The following LDLRAD3 variants were observed in gnomAD, a reference collection of about 807,000 sequenced individuals.
LDLRAD3 encodes the protein low density lipoprotein receptor class A domain containing 3, also known as low-density lipoprotein receptor class A domain-containing protein 3.
Under a neutral mutation model 29.4 loss-of-function variants are expected in LDLRAD3, and 20 were observed. The observed-to-expected ratio is 0.68, with a 90% CI of 0.48 to 0.99. LDLRAD3 has a LOEUF of 0.99. Among genes scored for constraint, LDLRAD3 ranks in the 50% least tolerant of loss-of-function variants. The pLI, the probability that LDLRAD3 is intolerant of heterozygous loss-of-function variation, is 0.00. For synonymous variants in LDLRAD3, 157 were observed against 192.7 expected, an observed-to-expected ratio of 0.81 and a Z score of 1.53; for missense variants, 420 against 454.3, an observed-to-expected ratio of 0.92 and a Z score of 0.69.
chr11:36,079,924 T>G (rs1028099764), intron 2 of LDLRAD3, among the ~76,000 whole-genome samples: 5 of 151,954 alleles, frequency 3.3e-5, no homozygotes, highest in South Asian at 2.1e-4. Flanking sequence ...AAAAATAGAG[T>G]TGGAATTTGA....
chr11:36,110,420 C>T (rs534323575), intron 4 of LDLRAD3, among the ~76,000 whole-genome samples: 14 of 152,298 alleles, frequency 9.2e-5, no homozygotes, highest in African/African-American at 3.4e-4. Flanking sequence ...GTGATTCCTC[C>T]TGAGGTGGAA....
intron 4 of LDLRAD3, among the ~76,000 whole-genome samples, chr11:36,128,560 C>T (rs928737072): frequency 6.6e-6 from 1 of 152,128 alleles, no homozygotes; most frequent in African/African-American, 2.4e-5. Flanking sequence ...TCAGAAAAAC[C>T]ACTCTAGGCT....
intron 4 of LDLRAD3, among the ~76,000 whole-genome samples, chr11:36,104,584 A>G (rs1484306920): frequency 6.6e-6 from 1 of 152,126 alleles, no homozygotes; most frequent in Non-Finnish European, 1.5e-5. Flanking sequence ...AAGAATAGCA[A>G]ACATTTGGAG....
In LDLRAD3 at chr11:36,098,329, G is replaced by A. The variant is rs764661438; in HGVS notation, c.322G>A (p.Ala108Thr). 2 of 1,613,914 alleles carry A rather than the reference G, an allele frequency of 1.2e-6. No individual in the cohort carries two copies. The highest frequency in any genetic ancestry group is 1.7e-6 in the Non-Finnish European group (2 of 1,180,032). The part of the protein sequence containing the change: ...PDGSDEENCT[A>T]NPLLCSTARY... ...TGTGCTGTGTTTTCCCTCTGCAGCA[G>A]CAAACCCTCTGCTTTGCTCCACCGC... Residue 108 changes from alanine to threonine, a missense_variant and splice_region_variant, in exon 4 of 6, where the codon GCA becomes ACA. Around this residue, in one of 3 missense-constraint regions of LDLRAD3, gnomAD observed 224 missense variants for 222.2 expected, o/e 1.01. Transcript: ENST00000315571.
At chr11:36,150,075 G>A (rs1350261897) in intron 4 of LDLRAD3, among the ~76,000 whole-genome samples, 1 of 152,294 alleles carries the variant, frequency 6.6e-6, no homozygotes, top group African/African-American at 2.4e-5. Context: ...TATCCACCAG[G>A]CTGCAGGGGG....
Position 35,953,089 on chromosome 11 carries a change from C to T in LDLRAD3, c.46+8945C>T, listed in dbSNP as rs1223616099. ...CAGGATTTTAAACTTACTCCCAAGG[C>T]CTTTCCAGAGACCTGAGAACCGGAC... On this transcript the variant is annotated intron_variant, in intron 1 of 5. Transcript: ENST00000315571. Among the ~76,000 whole-genome samples the T allele has an allele frequency of 2.0e-5, 3 of 152,184 alleles. No homozygotes were observed. In the East Asian group the frequency reaches 5.8e-4, roughly 29 times the overall value.
intron 4 of LDLRAD3, among the ~76,000 whole-genome samples, chr11:36,154,553 A>G (rs947014749): frequency 1.3e-5 from 2 of 152,162 alleles, no homozygotes; most frequent in African/African-American, 4.8e-5. Flanking sequence ...GGGAAAAGAA[A>G]TTGTTTGTTG....
chr11:36,106,869 G>A (rs530650829), intron 4 of LDLRAD3, among the ~76,000 whole-genome samples: 5 of 152,338 alleles, frequency 3.3e-5, no homozygotes, highest in Admixed American at 6.5e-5. Flanking sequence ...CCGTGGATGC[G>A]GGGCTTGCTT....
At chr11:36,076,230 A>G (rs868115018) in intron 2 of LDLRAD3, among the ~76,000 whole-genome samples, 199 of 151,468 alleles carry the variant, frequency 1.3e-3, no homozygotes, top group Non-Finnish European at 9.3e-4. Flanking sequence ...CCGTCCATCC[A>G]TCCATCCATC....
intron 1 of LDLRAD3, among the ~76,000 whole-genome samples, chr11:36,003,885 G>A (rs1411991082): frequency 6.6e-6 from 1 of 152,132 alleles, no homozygotes; most frequent in Non-Finnish European, 1.5e-5. Flanking sequence ...TCACATGGTG[G>A]CAGGAGGGAG....
chr11:36,226,936 G>A, intron 4 of LDLRAD3, 149 bp from the exon 5 acceptor site: 1 of 625,256 alleles, frequency 1.6e-6, no homozygotes. Context: ...TCATCGGTTG[G>A]TGGACATTTG....
chr11:36,230,173 G>T lies in LDLRAD3; in HGVS notation c.*776G>T, dbSNP rs967130984. ...GTTCTCAGCTCCTAAAATGCAGGCT[G>T]CCAAGACCCTACACCTGCCCTGGCT... On this transcript the variant is annotated 3_prime_UTR_variant, in exon 6 of 6. Transcript: ENST00000315571. The T allele has an allele frequency of 6.6e-5, 10 of 152,174 alleles. No individual in the cohort carries two copies. Among genetic ancestry groups the T allele is most frequent in the African/African-American group, 1.9e-4 (8 of 41,428 alleles). 9.4% of individuals were successfully genotyped at this position (152,174 alleles called of 1,614,324 possible).
chr11:35,960,034 A>G (rs1355700779), intron 1 of LDLRAD3, among the ~76,000 whole-genome samples: 1 of 152,150 alleles, frequency 6.6e-6, no homozygotes, highest in Admixed American at 6.5e-5. Context: ...AAATTGGCAT[A>G]TATCCTTTCT....
At chr11:36,180,818 A>G (rs991960024) in intron 4 of LDLRAD3, among the ~76,000 whole-genome samples, 3 of 152,118 alleles carry the variant, frequency 2.0e-5, no homozygotes, top group Non-Finnish European at 4.4e-5. Flanking sequence ...TGTGGTAAGA[A>G]CGGTCAGTGC....
At chr11:36,145,001 T>G (rs1353002167) in intron 4 of LDLRAD3, among the ~76,000 whole-genome samples, 162 of 54,228 alleles carry the variant, frequency 3.0e-3, no homozygotes, top group Middle Eastern at 0.02. Context: ...CCCCCCGCCC[T>G]GCCAGCCGCC....
At chr11:36,075,145 C>T (rs954194778) in intron 2 of LDLRAD3, among the ~76,000 whole-genome samples, 17 of 152,072 alleles carry the variant, frequency 1.1e-4, no homozygotes, top group Non-Finnish European at 2.2e-4. Context: ...TCATAAAAAC[C>T]GTGAGCACTG....
chr11:36,130,030 A>C (rs768117638), intron 4 of LDLRAD3, among the ~76,000 whole-genome samples: 7 of 152,236 alleles, frequency 4.6e-5, no homozygotes, highest in Non-Finnish European at 1.0e-4. Flanking sequence ...CCTGGAACTC[A>C]GGAGGGGCTC....
intron 2 of LDLRAD3, among the ~76,000 whole-genome samples, chr11:36,070,463 T>C (rs1479134454): frequency 6.6e-6 from 1 of 152,190 alleles, no homozygotes; most frequent in Non-Finnish European, 1.5e-5. Context: ...TCCTTGTGGA[T>C]ATTTATCTCA....
intron 1 of LDLRAD3, among the ~76,000 whole-genome samples, chr11:35,982,456 G>T (rs1851553528): frequency 6.6e-6 from 1 of 152,144 alleles, no homozygotes; most frequent in African/African-American, 2.4e-5. Context: ...CTTCTGTAAA[G>T]ATCCTGTCTC....
Sources: allele counts gnomAD v4.1 joint callset (sites outside exome capture counted in the v4.1 genomes callset), GRCh38; gene constraint gnomAD v4.1.1; regional missense constraint gnomAD v4.1.1; transcripts MANE v1.5; gene names NCBI Gene and HGNC (gene_info 2026-07-23, HGNC 2026-07-21).